Variants in ADGRG1 observed in about 807,000 individuals in gnomAD.
ADGRG1 encodes adhesion G protein-coupled receptor G1.
In ADGRG1, 53 loss-of-function variants were observed where a neutral mutation model predicts 73.5. That is an observed-to-expected ratio of 0.72 (90% CI 0.58 to 0.91). The LOEUF (loss-of-function observed/expected upper bound fraction) is 0.91, where lower values mean the gene tolerates loss of function less well. ADGRG1 is among the 40% of genes least tolerant of loss of function. The pLI, the probability that ADGRG1 is intolerant of heterozygous loss-of-function variation, is 0.00. For missense variants in ADGRG1, 795 were observed against 871.8 expected, an observed-to-expected ratio of 0.91 and a Z score of 1.11; for synonymous variants, 394 against 374.4, an observed-to-expected ratio of 1.05 and a Z score of -0.60.
At chr16:57,636,505 C>A in intron 1 of ADGRG1, 1 of 985,264 alleles carries the variant, frequency 1.0e-6, no homozygotes, top group Non-Finnish European at 1.2e-6. Context: ...TGCTCCTGAT[C>A]CTGTTAGATG....
At chr16:57,628,516 A>G (rs1317157350), upstream of ADGRG1, 1 of 985,526 alleles carries the variant, frequency 1.0e-6, no homozygotes, top group Non-Finnish European at 1.2e-6. Flanking sequence ...TGAGAAATCC[A>G]TGACTCACAT....
At chr16:57,620,066 T>G (rs1270823468), upstream of ADGRG1, 1 of 151,882 alleles carries the variant, frequency 6.6e-6, no homozygotes, top group African/African-American at 2.4e-5. Flanking sequence ...CCTGTGGCCC[T>G]GGGAGGAGGT....
intron 9 of ADGRG1, 138 bp downstream of exon 9, chr16:57,656,755 A>T: frequency 1.4e-6 from 1 of 728,084 alleles, no homozygotes; most frequent in South Asian, 1.4e-5. Flanking sequence ...CATTTTATAG[A>T]TGAGGAAATG....
upstream of ADGRG1, chr16:57,623,770 G>A (rs1262128285): frequency 2.0e-6 from 2 of 984,816 alleles, no homozygotes; most frequent in Non-Finnish European, 2.4e-6. Flanking sequence ...GGGTGTGATG[G>A]GAGATGGCGT....
intron 1 of ADGRG1, chr16:57,632,885 G>A (rs1362385814): frequency 3.0e-6 from 3 of 985,344 alleles, no homozygotes; most frequent in Non-Finnish European, 3.6e-6. Flanking sequence ...CTGGTGGCCT[G>A]AAAAGTTCTG....
chr16:57,637,495 T>TG, intron 1 of ADGRG1: 2 of 985,400 alleles, frequency 2.0e-6, no homozygotes, highest in Non-Finnish European at 2.4e-6. Context: ...CACAGCCCCT[T>TG]GCCAGCTCCC....
At chr16:57,630,440 C>T (rs1248848805) in intron 1 of ADGRG1, 3 of 985,740 alleles carry the variant, frequency 3.0e-6, no homozygotes, top group Non-Finnish European at 3.6e-6. Context: ...CCTTGCCCTT[C>T]CTCTCCTCTC....
chr16:57,634,330 G>A, intron 1 of ADGRG1: 2 of 985,402 alleles, frequency 2.0e-6, no homozygotes, highest in Non-Finnish European at 1.2e-6. Context: ...TGAGCCCAAG[G>A]GGCTGGCAGG....
chr16:57,658,941 C>T, intron 10 of ADGRG1: 1 of 982,664 alleles, frequency 1.0e-6, no homozygotes, highest in Non-Finnish European at 1.2e-6. Flanking sequence ...ATGTAGAATC[C>T]TGGAGTGGGG....
intron 1 of ADGRG1, chr16:57,631,213 A>G: frequency 1.0e-6 from 1 of 987,176 alleles, no homozygotes; most frequent in Non-Finnish European, 1.2e-6. Context: ...GCAGAGCTGC[A>G]GCAGGGTTGG....
At chr16:57,654,778 G>C (rs554031592) in intron 5 of ADGRG1, among the ~76,000 whole-genome samples, 386 of 152,304 alleles carry the variant, frequency 2.5e-3, no homozygotes, top group African/African-American at 8.7e-3. Context: ...TACTCGGGAG[G>C]TTGAGGCAGG....
chr16:57,664,197 A>G lies in ADGRG1; in HGVS notation c.*615A>G, dbSNP rs2047891591. The G allele has an allele frequency of 6.5e-6, 1 of 153,086 alleles. No homozygotes were observed. Among genetic ancestry groups the G allele is most frequent in the African/African-American group, 2.4e-5 (1 of 41,008 alleles). The allele number at this position is 153,086 out of a possible 1,614,324, so 9.5% of individuals were successfully genotyped here. A position where few individuals can be genotyped will look rare whatever the true frequency, so the allele number is the denominator to read the frequency against. On this transcript the variant is annotated 3_prime_UTR_variant, in exon 14 of 14. Coordinates refer to ENST00000562631, the MANE Select transcript of ADGRG1 (RefSeq NM_201525.4). ...CCCTCAGCCCCCCAGTCCTCCCTCC[A>G]TCTTCCCTGGGGTTCTCCTCCTCTC...
In ADGRG1 at chr16:57,663,587, C is replaced by A. The variant is rs780277634; in HGVS notation, c.*5C>A. ...ACCTCGTCCAGCCGCATCTAGGCCT[C>A]CAGCCCACCTGCCCATGTGATGAAG... On this transcript the variant is annotated 3_prime_UTR_variant, in exon 14 of 14. Coordinates refer to ENST00000562631, the MANE Select transcript of ADGRG1 (RefSeq NM_201525.4). The A allele has an allele frequency of 6.2e-7, 1 of 1,612,614 alleles. No individual in the cohort carries two copies. The highest frequency in any genetic ancestry group is 8.5e-7 in the Non-Finnish European group (1 of 1,179,838).
upstream of ADGRG1, chr16:57,622,783 T>C: frequency 7.1e-6 from 7 of 985,358 alleles, no homozygotes; most frequent in Non-Finnish European, 8.4e-6. Context: ...GCGGCCACAC[T>C]GTCTACCTTC....
intron 1 of ADGRG1, chr16:57,629,161 G>A: frequency 1.0e-6 from 1 of 984,680 alleles, no homozygotes; most frequent in Non-Finnish European, 1.2e-6. Flanking sequence ...GTGGTGAAAT[G>A]GGGAAATGGG....
At chr16:57,629,051 T>A in intron 1 of ADGRG1, 2 of 513,828 alleles carry the variant, frequency 3.9e-6, no homozygotes, top group African/African-American at 2.2e-5. Flanking sequence ...AGTGAGTGTG[T>A]GTGAGTATGA....
intron 1 of ADGRG1, chr16:57,644,962 T>A (rs2042176265): frequency 1.9e-6 from 1 of 531,878 alleles, no homozygotes; most frequent in African/African-American, 2.4e-5. Flanking sequence ...GATCACACAC[T>A]CATGCATGGG....
At chr16:57,626,650 T>G (rs2035890440), upstream of ADGRG1, 1 of 985,320 alleles carries the variant, frequency 1.0e-6, no homozygotes, top group Non-Finnish European at 1.2e-6. Flanking sequence ...TTCAGCCATC[T>G]GCAGAGAGAG....
chr16:57,630,144 C>T (rs902778808), intron 1 of ADGRG1: 8 of 508,752 alleles, frequency 1.6e-5, no homozygotes, highest in South Asian at 8.3e-5. Context: ...TCTCAGAACT[C>T]GTGAGTGGCC....
Sources: allele counts gnomAD v4.1 joint callset (sites outside exome capture counted in the v4.1 genomes callset), GRCh38; gene constraint gnomAD v4.1.1; transcripts MANE v1.5; gene names NCBI Gene and HGNC (gene_info 2026-07-23, HGNC 2026-07-21).